The following DRC8 variants were observed in gnomAD, a reference collection of about 807,000 sequenced individuals.
The protein encoded by DRC8 is dynein regulatory complex subunit 8.
the DRC8 span, among the ~76,000 whole-genome samples, chr1:245,120,269 C>T: frequency 3.7e-4 from 56 of 152,294 alleles, no homozygotes; most frequent in African/African-American, 9.6e-4. Context: ...CATCCTTATG[C>T]GCCCTTCACG....
At chr1:245,024,553 T>C in the DRC8 span, among the ~76,000 whole-genome samples, 10 of 148,010 alleles carry the variant, frequency 6.8e-5, no homozygotes, top group African/African-American at 2.0e-4. Context: ...TTCTTTCTCT[T>C]TTTTTTTTTT....
chr1:245,116,303 G>T, the DRC8 span, among the ~76,000 whole-genome samples: 1 of 152,088 alleles, frequency 6.6e-6, no homozygotes, highest in African/African-American at 2.4e-5. Flanking sequence ...TGGGAGGATC[G>T]CTTGAGGCCA....
the DRC8 span, among the ~76,000 whole-genome samples, chr1:245,119,269 G>A: frequency 6.6e-6 from 1 of 151,848 alleles, no homozygotes; most frequent in East Asian, 1.9e-4. Context: ...GTGCGAATAT[G>A]AAGTGAAATG....
At chr1:244,980,040 T>TAAAAAAAAAAAA in the DRC8 span, among the ~76,000 whole-genome samples, 2,671 of 34,508 alleles carry the variant, frequency 0.077, 556 homozygotes, top group East Asian at 0.16. Context: ...CCGTCTCTAC[T>TAAAAAAAAAAAA]AAAAAAAAAA....
the DRC8 span, among the ~76,000 whole-genome samples, chr1:245,032,024 A>G: frequency 1.3e-5 from 2 of 152,224 alleles, no homozygotes; most frequent in African/African-American, 4.8e-5. Flanking sequence ...CAGAGCAAGT[A>G]AACTCCATCT....
chr1:244,979,119 A>G, the DRC8 span, among the ~76,000 whole-genome samples: 1 of 151,540 alleles, frequency 6.6e-6, no homozygotes, highest in African/African-American at 2.4e-5. Flanking sequence ...CTTTCATACT[A>G]TATTTTGTAA....
chr1:245,003,486 C>A, the DRC8 span, among the ~76,000 whole-genome samples: 2 of 152,230 alleles, frequency 1.3e-5, no homozygotes, highest in Admixed American at 6.5e-5. Context: ...CCAATGGTGG[C>A]TGGCTCCAGG....
At chr1:244,973,300 T>C in the DRC8 span, among the ~76,000 whole-genome samples, 1 of 152,244 alleles carries the variant, frequency 6.6e-6, no homozygotes, top group Non-Finnish European at 1.5e-5. Context: ...AGTCATTTGA[T>C]GACCGTGGAA....
chr1:245,065,601 A>G, the DRC8 span, among the ~76,000 whole-genome samples: 1 of 152,110 alleles, frequency 6.6e-6, no homozygotes, highest in Non-Finnish European at 1.5e-5. Context: ...GTTTTCTCCA[A>G]GTTGATACCT....
the DRC8 span, chr1:245,087,972 A>C: frequency 3.6e-6 from 1 of 278,154 alleles, no homozygotes; most frequent in Non-Finnish European, 5.5e-6. Flanking sequence ...AACTAGAGAA[A>C]AGAAGGTTGA....
the DRC8 span, among the ~76,000 whole-genome samples, chr1:245,027,114 A>G: frequency 6.6e-6 from 1 of 152,224 alleles, no homozygotes. Context: ...TTTATATCTT[A>G]TCTCTTTACC....
the DRC8 span, among the ~76,000 whole-genome samples, chr1:245,042,501 A>G: frequency 6.6e-6 from 1 of 152,352 alleles, no homozygotes; most frequent in East Asian, 1.9e-4. Flanking sequence ...GGCTTTTCCA[A>G]AATAAGGTAC....
chr1:245,065,144 C>G, the DRC8 span, among the ~76,000 whole-genome samples: 2 of 120,224 alleles, frequency 1.7e-5, no homozygotes, highest in Non-Finnish European at 3.2e-5. Context: ...CCAGGCTGGT[C>G]TTGAACACCT....
chr1:245,043,071 T>C, the DRC8 span, among the ~76,000 whole-genome samples: 1 of 152,202 alleles, frequency 6.6e-6, no homozygotes, highest in East Asian at 1.9e-4. Flanking sequence ...TTAATACTTG[T>C]AACCATAAAG....
chr1:244,986,491 C>T, the DRC8 span, among the ~76,000 whole-genome samples: 2 of 152,066 alleles, frequency 1.3e-5, no homozygotes, highest in African/African-American at 4.8e-5. Context: ...AAGACCAGGT[C>T]AGGGAGGCTG....
At chr1:245,003,030 T>C in the DRC8 span, among the ~76,000 whole-genome samples, 187 of 152,332 alleles carry the variant, frequency 1.2e-3, no homozygotes, top group Admixed American at 1.6e-3. Flanking sequence ...TTCAGATAAG[T>C]GGAGTCATAC....
chr1:244,996,364 C>A, the DRC8 span, among the ~76,000 whole-genome samples: 3 of 152,002 alleles, frequency 2.0e-5, no homozygotes, highest in Non-Finnish European at 4.4e-5. Flanking sequence ...TCCCATGGGT[C>A]AGCCCTGGTG....
chr1:245,010,587 C>T, the DRC8 span, among the ~76,000 whole-genome samples: 1 of 152,102 alleles, frequency 6.6e-6, no homozygotes, highest in Non-Finnish European at 1.5e-5. Flanking sequence ...CTGACTTCAT[C>T]TGGCCACACT....
At chr1:245,083,975 T>C in the DRC8 span, 4 of 251,266 alleles carry the variant, frequency 1.6e-5, no homozygotes, top group Non-Finnish European at 2.3e-5. Flanking sequence ...ATAAAAGATA[T>C]GCCATCTGGA....
Sources: allele counts gnomAD v4.1 joint callset (sites outside exome capture counted in the v4.1 genomes callset), GRCh38; gene constraint gnomAD v4.1.1; transcripts MANE v1.5; gene names NCBI Gene and HGNC (gene_info 2026-07-23, HGNC 2026-07-21).